ZNF138: variants seen among roughly 807,000 people sequenced by gnomAD.
ZNF138 encodes zinc finger protein 138 (clone pHZ-32).
In ZNF138, 33 loss-of-function variants were observed where a neutral mutation model predicts 33.0. The ratio of observed to expected loss-of-function variants is 1.00; its 90% confidence interval spans 0.76 to 1.34. ZNF138 has a LOEUF of 1.34. Ranked by LOEUF, ZNF138 falls within the 40% of genes most tolerant of loss-of-function variation. ZNF138 has a pLI of 0.00. For missense variants in ZNF138, 360 were observed against 370.8 expected (o/e 0.97, Z 0.24); for synonymous variants, 139 against 120.4 (o/e 1.15, Z -1.01).
chr7:64,803,702 C>T (rs1787341959), intron 1 of ZNF138, among the ~76,000 whole-genome samples: 1 of 152,104 alleles, frequency 6.6e-6, no homozygotes, highest in South Asian at 2.1e-4. Context: ...TATATTCATA[C>T]ATTTGGAATA....
At chr7:64,827,728 TC>T (rs1215094655) in intron 3 of ZNF138, among the ~76,000 whole-genome samples, 1 of 152,180 alleles carries the variant, frequency 6.6e-6, no homozygotes, top group Non-Finnish European at 1.5e-5. Context: ...TCAATATTCT[TC>T]TAAGATTTCT....
the ZNF138 span, among the ~76,000 whole-genome samples, chr7:64,841,373 G>A: frequency 6.6e-6 from 1 of 152,092 alleles, no homozygotes; most frequent in African/African-American, 2.4e-5. Flanking sequence ...TAAGAACTCG[G>A]GATGCTTCAT....
the ZNF138 span, chr7:64,852,399 A>T: frequency 6.6e-7 from 1 of 1,524,170 alleles, no homozygotes; most frequent in Non-Finnish European, 9.0e-7. Flanking sequence ...TTAGATTAAG[A>T]GGTGGCCCCG....
intron 1 of ZNF138, among the ~76,000 whole-genome samples, chr7:64,796,975 C>T (rs993537136): frequency 2.6e-5 from 4 of 151,794 alleles, no homozygotes; most frequent in Non-Finnish European, 5.9e-5. Context: ...ATTTGAACCC[C>T]ATAGGCAGAG....
chr7:64,848,779 A>C, the ZNF138 span, among the ~76,000 whole-genome samples: 59 of 137,422 alleles, frequency 4.3e-4, no homozygotes, highest in African/African-American at 1.6e-3. Context: ...ATCTCTGCGC[A>C]CTGCAGGCTC....
the ZNF138 span, among the ~76,000 whole-genome samples, chr7:64,843,784 A>G: frequency 0.92 from 140,049 of 152,008 alleles, 65,588 homozygotes; most frequent in Non-Finnish European, 1. Context: ...TGACTTACCT[A>G]TTTCTCTTTT....
the ZNF138 span, among the ~76,000 whole-genome samples, chr7:64,854,893 T>C: frequency 1.3e-4 from 20 of 152,234 alleles, no homozygotes; most frequent in Admixed American, 5.2e-4. Context: ...CATACATTGC[T>C]TTTCTCTGAT....
the ZNF138 span, among the ~76,000 whole-genome samples, chr7:64,841,884 A>G: frequency 6.6e-6 from 1 of 152,314 alleles, no homozygotes; most frequent in African/African-American, 2.4e-5. Context: ...CTGTCCATAG[A>G]TCAGAGGATT....
chr7:64,839,973 G>C, the ZNF138 span, among the ~76,000 whole-genome samples: 2 of 152,048 alleles, frequency 1.3e-5, no homozygotes, highest in Non-Finnish European at 2.9e-5. Flanking sequence ...TTTTATGGAT[G>C]CTGGGTGAGG....
the ZNF138 span, among the ~76,000 whole-genome samples, chr7:64,840,542 A>T: frequency 6.6e-6 from 1 of 152,182 alleles, no homozygotes; most frequent in Admixed American, 6.5e-5. Flanking sequence ...GGGCAAATGA[A>T]GTTTCCATCA....
the ZNF138 span, among the ~76,000 whole-genome samples, chr7:64,839,985 G>A: frequency 6.6e-6 from 1 of 151,994 alleles, no homozygotes; most frequent in Non-Finnish European, 1.5e-5. Flanking sequence ...TGGGTGAGGA[G>A]TGGGCGGGGT....
chr7:64,826,399 C>A (rs1730209064), intron 3 of ZNF138, among the ~76,000 whole-genome samples: 2 of 152,046 alleles, frequency 1.3e-5, no homozygotes, highest in African/African-American at 4.8e-5. Context: ...TCTGCCTTGG[C>A]CTCCCAAGTA....
At chr7:64,827,259 T>TG (rs1789703244) in intron 3 of ZNF138, among the ~76,000 whole-genome samples, 1 of 151,434 alleles carries the variant, frequency 6.6e-6, no homozygotes, top group South Asian at 2.1e-4. Context: ...AACTTTTTTT[T>TG]TTTTTTAAGA....
intron 1 of ZNF138, among the ~76,000 whole-genome samples, chr7:64,814,323 A>G (rs531302590): frequency 6.6e-6 from 1 of 152,354 alleles, no homozygotes; most frequent in African/African-American, 2.4e-5. Context: ...TGATGCACAT[A>G]TAGCACTCAG....
the ZNF138 span, among the ~76,000 whole-genome samples, chr7:64,847,595 A>G: frequency 6.6e-6 from 1 of 152,024 alleles, no homozygotes; most frequent in Non-Finnish European, 1.5e-5. Flanking sequence ...GCCTTTTATT[A>G]TGATATAATG....
intron 1 of ZNF138, among the ~76,000 whole-genome samples, chr7:64,795,989 T>TG (rs1473538486): frequency 1.3e-5 from 2 of 152,228 alleles, no homozygotes; most frequent in African/African-American, 2.4e-5. Context: ...GCCCTGGGGC[T>TG]GAGAGGAATC....
At chr7:64,822,846 A>G (rs543072839) in intron 3 of ZNF138, among the ~76,000 whole-genome samples, 6 of 151,726 alleles carry the variant, frequency 4.0e-5, no homozygotes, top group Admixed American at 1.3e-4. Flanking sequence ...TTACCGCTGT[A>G]TGTTGTATTG....
rs1223528720 is a variant in ZNF138 at position 64,821,064 on chromosome 7, T to TG, written c.208+5412dup. On this transcript the variant is annotated intron_variant, in intron 3 of 3. Transcript: ENST00000307355. ...TTTTTTGTTTTGTTTTTGGTTTTTT[T>TG]GTTTTGTTTTGTTTTTTGTTTGTTT... Among the ~76,000 whole-genome samples, 778 of 145,174 alleles carry TG rather than the reference T, an allele frequency of 5.4e-3. 9 individuals carry two copies. The highest frequency in any genetic ancestry group is 0.014 in the Middle Eastern group (4 of 284).
At chr7:64,837,259 G>A (rs1039098226), downstream of ZNF138, among the ~76,000 whole-genome samples, 7 of 152,016 alleles carry the variant, frequency 4.6e-5, 1 homozygote, top group African/African-American at 1.5e-4. Context: ...AGCTGCCGTC[G>A]GTGTTGTAAG....
Sources: allele counts gnomAD v4.1 joint callset (sites outside exome capture counted in the v4.1 genomes callset), GRCh38; gene constraint gnomAD v4.1.1; transcripts MANE v1.5; gene names NCBI Gene and HGNC (gene_info 2026-07-23, HGNC 2026-07-21).